Variants in VAV3 observed in about 807,000 individuals in gnomAD.
VAV3 encodes the protein guanine nucleotide exchange factor VAV3.
VAV3 carries 94 observed loss-of-function variants against 131.2 expected under a neutral mutation model. The ratio of observed to expected loss-of-function variants is 0.72; its 90% confidence interval spans 0.61 to 0.85. The LOEUF (loss-of-function observed/expected upper bound fraction) is 0.85. VAV3 is among the 40% of genes least tolerant of loss of function. VAV3 has a pLI of 0.00. For synonymous variants in VAV3, 349 were observed against 342.0 expected (o/e 1.02, Z -0.22); for missense variants, 939 against 1,002.7 (o/e 0.94, Z 0.86).
intron 15 of VAV3, among the ~76,000 whole-genome samples, chr1:107,744,822 C>T (rs1433579656): frequency 6.6e-6 from 1 of 152,152 alleles, no homozygotes; most frequent in African/African-American, 2.4e-5. Flanking sequence ...AGTCCAGTTG[C>T]TTACTTTAGC....
chr1:107,732,147 A>G (rs1345790274), intron 15 of VAV3, among the ~76,000 whole-genome samples: 1 of 152,188 alleles, frequency 6.6e-6, no homozygotes, highest in Non-Finnish European at 1.5e-5. Context: ...AGATCAAAAC[A>G]ATGTGTAGTA....
chr1:107,649,058 AAAAC>A (rs775621317), intron 19 of VAV3, among the ~76,000 whole-genome samples: 71 of 152,128 alleles, frequency 4.7e-4, no homozygotes, highest in Non-Finnish European at 8.8e-4. Context: ...AAGCCCTCAA[AAAAC>A]AAACAAACAA....
chr1:107,944,904 C>G (rs1216861898), intron 1 of VAV3, among the ~76,000 whole-genome samples: 1 of 152,110 alleles, frequency 6.6e-6, no homozygotes, highest in Non-Finnish European at 1.5e-5. Flanking sequence ...CTGTGCCCAG[C>G]CACAAAATGC....
chr1:107,697,451 G>A (rs953921213), intron 17 of VAV3, among the ~76,000 whole-genome samples: 5 of 152,008 alleles, frequency 3.3e-5, no homozygotes, highest in Admixed American at 6.6e-5. Context: ...GCAAAACAGG[G>A]AAAAGAATCA....
At chr1:107,618,882 T>C (rs1407963942) in intron 20 of VAV3, among the ~76,000 whole-genome samples, 1 of 152,192 alleles carries the variant, frequency 6.6e-6, no homozygotes, top group South Asian at 2.1e-4. Flanking sequence ...AATTCTGTCA[T>C]TGGTGATGGC....
chr1:107,592,724 T>C (rs1169117776), intron 25 of VAV3, among the ~76,000 whole-genome samples: 1 of 152,104 alleles, frequency 6.6e-6, no homozygotes, highest in African/African-American at 2.4e-5. Flanking sequence ...ATTCATCAGA[T>C]GAGAAAGCTA....
intron 1 of VAV3, among the ~76,000 whole-genome samples, chr1:107,920,006 A>C (rs1416194109): frequency 6.6e-6 from 1 of 152,174 alleles, no homozygotes; most frequent in African/African-American, 2.4e-5. Context: ...AGGGGAAAAA[A>C]ATCGGTGGTA....
intron 2 of VAV3, among the ~76,000 whole-genome samples, chr1:107,795,049 A>G (rs1380306671): frequency 2.0e-5 from 3 of 152,168 alleles, no homozygotes; most frequent in Non-Finnish European, 2.9e-5. Flanking sequence ...AAAAGAGAGG[A>G]GGGCACTGAA....
At chr1:107,957,931 G>C (rs528153837) in intron 1 of VAV3, among the ~76,000 whole-genome samples, 1 of 151,290 alleles carries the variant, frequency 6.6e-6, no homozygotes, top group East Asian at 1.9e-4. Flanking sequence ...CAAGCCATGG[G>C]ATTGTACCTC....
chr1:107,820,379 T>C (rs1221988740), intron 2 of VAV3, among the ~76,000 whole-genome samples: 1 of 152,134 alleles, frequency 6.6e-6, no homozygotes, highest in Non-Finnish European at 1.5e-5. Context: ...AAACTTCACA[T>C]GTTCTCACTC....
intron 19 of VAV3, among the ~76,000 whole-genome samples, chr1:107,652,837 A>T (rs1656275855): frequency 6.6e-6 from 1 of 152,100 alleles, no homozygotes; most frequent in Non-Finnish European, 1.5e-5. Flanking sequence ...ATTTTCCAAA[A>T]AAATAAAATT....
Position 107,751,180 on chromosome 1 carries a change from C to A in VAV3, c.1196G>T (p.Gly399Val). Residue 399 changes from glycine (G) to valine (V), a missense_variant, in exon 13 of 27, where the codon GGA becomes GTA. By Grantham distance (109) the Gly-to-Val change is moderately radical (BLOSUM62 -3). Transcript: ENST00000370056. ...AATTTCACCATCTCCCTGAGGTCGT[C>A]CAAAAAGCAAAACTGGTTGGTTCTA... ...ENLNQPVLLFGRPQGDGEIRI... is the reference protein window; with the variant it reads ...ENLNQPVLLFVRPQGDGEIRI... 2 of 1,611,990 alleles carry A rather than the reference C, an allele frequency of 1.2e-6. No individual in the cohort carries two copies. The highest frequency in any genetic ancestry group is 1.7e-6 in the Non-Finnish European group (2 of 1,179,228).
At chr1:107,733,132 T>C (rs537870002) in intron 15 of VAV3, among the ~76,000 whole-genome samples, 146 of 152,284 alleles carry the variant, frequency 9.6e-4, no homozygotes, top group African/African-American at 3.3e-3. Context: ...CCAACAGACC[T>C]GCAACTGAGA....
At chr1:107,595,881 T>C (rs1232821520) in intron 25 of VAV3, among the ~76,000 whole-genome samples, 1 of 152,200 alleles carries the variant, frequency 6.6e-6, no homozygotes, top group African/African-American at 2.4e-5. Flanking sequence ...AACAGAATTA[T>C]GACCTCACAC....
intron 15 of VAV3, among the ~76,000 whole-genome samples, chr1:107,726,383 C>T (rs979435243): frequency 6.6e-6 from 1 of 152,234 alleles, no homozygotes; most frequent in Non-Finnish European, 1.5e-5. Flanking sequence ...CAGAGGCGCT[C>T]TGCAGATACT....
chr1:107,953,518 G>T (rs1039686242), intron 1 of VAV3, among the ~76,000 whole-genome samples: 1 of 152,146 alleles, frequency 6.6e-6, no homozygotes, highest in African/African-American at 2.4e-5. Flanking sequence ...AAACCATAAT[G>T]CTGCCTTGAT....
At chr1:107,812,918 T>C (rs574223770) in intron 2 of VAV3, among the ~76,000 whole-genome samples, 1 of 151,966 alleles carries the variant, frequency 6.6e-6, no homozygotes, top group East Asian at 1.9e-4. Flanking sequence ...GATCAGGAGA[T>C]TGAGATCACC....
At chr1:107,762,008 A>G (rs1018286989) in intron 9 of VAV3, among the ~76,000 whole-genome samples, 1 of 151,822 alleles carries the variant, frequency 6.6e-6, no homozygotes, top group African/African-American at 2.4e-5. Flanking sequence ...ATTACTTTGA[A>G]GTGTCAAAGA....
At chr1:107,862,771 G>A (rs1056135592) in intron 2 of VAV3, 36 of 145,758 alleles carry the variant, frequency 2.5e-4, no homozygotes, top group African/African-American at 7.6e-4. Flanking sequence ...ATTAGAATAC[G>A]TGCATTAGTG....
Sources: gnomAD v4.1 joint callset for allele counts (sites outside exome capture counted in the v4.1 genomes callset) on GRCh38, gnomAD v4.1.1 for gene constraint, MANE v1.5 for transcripts, NCBI Gene and HGNC (gene_info 2026-07-23, HGNC 2026-07-21) for gene names.